Variants in ARHGEF10L observed in about 807,000 individuals in gnomAD.
ARHGEF10L encodes the protein Rho guanine nucleotide exchange factor 10 like, also known as rho guanine nucleotide exchange factor 10-like protein.
ARHGEF10L carries 69 observed loss-of-function variants against 141.2 expected under a neutral mutation model. That is an observed-to-expected ratio of 0.49 (90% CI 0.40 to 0.60). The LOEUF (loss-of-function observed/expected upper bound fraction) is 0.60. ARHGEF10L is among the 20% of genes least tolerant of loss of function. The probability of loss-of-function intolerance (pLI) is 0.00; values close to 1 mark genes in which losing one functional copy is unlikely to be tolerated. For synonymous variants in ARHGEF10L, 711 were observed against 718.5 expected (o/e 0.99, Z 0.17); for missense variants, 1,482 against 1,734.3 (o/e 0.85, Z 2.58).
intron 1 of ARHGEF10L, among the ~76,000 whole-genome samples, chr1:17,576,727 A>AG (rs1377863731): frequency 6.6e-6 from 1 of 152,196 alleles, no homozygotes; most frequent in African/African-American, 2.4e-5. Context: ...TCATTTCATC[A>AG]GCACAGGACG....
intron 18 of ARHGEF10L, among the ~76,000 whole-genome samples, chr1:17,636,934 C>T (rs1036454334): frequency 6.6e-6 from 1 of 152,038 alleles, no homozygotes; most frequent in African/African-American, 2.4e-5. Context: ...CCTCCTGGAC[C>T]CTCCTGCTCT....
intron 2 of ARHGEF10L, among the ~76,000 whole-genome samples, chr1:17,586,212 G>A (rs1010220144): frequency 1.6e-4 from 24 of 152,234 alleles, no homozygotes; most frequent in Admixed American, 1.3e-4. Context: ...TGATGTTCAT[G>A]TCAGCCTTAT....
intron 16 of ARHGEF10L, among the ~76,000 whole-genome samples, chr1:17,633,338 C>CTTTAT (rs1341004904): frequency 6.6e-6 from 1 of 152,222 alleles, no homozygotes; most frequent in East Asian, 1.9e-4. Context: ...TTTGACAAGA[C>CTTTAT]TTTATTTTAT....
At chr1:17,658,177 G>A (rs1010419018) in intron 25 of ARHGEF10L, among the ~76,000 whole-genome samples, 1 of 152,212 alleles carries the variant, frequency 6.6e-6, no homozygotes, top group African/African-American at 2.4e-5. Context: ...GAGGACACAA[G>A]TCATATTGGA....
chr1:17,662,639 G>A (rs1424418948), intron 25 of ARHGEF10L, among the ~76,000 whole-genome samples: 2 of 152,094 alleles, frequency 1.3e-5, no homozygotes, highest in African/African-American at 4.8e-5. Context: ...GAAAGAGGTG[G>A]GGAGGGAGGG....
intron 15 of ARHGEF10L, among the ~76,000 whole-genome samples, chr1:17,628,005 T>C (rs2060478529): frequency 6.6e-6 from 1 of 151,946 alleles, no homozygotes; most frequent in African/African-American, 2.4e-5. Context: ...CATGCCATGT[T>C]TTGGGGTTGC....
intron 1 of ARHGEF10L, among the ~76,000 whole-genome samples, chr1:17,541,779 C>A (rs1406496386): frequency 6.6e-6 from 1 of 151,118 alleles, no homozygotes; most frequent in African/African-American, 2.4e-5. Flanking sequence ...ACTAGCCTGG[C>A]CAACATGGTG....
At chr1:17,522,651 C>T in the ARHGEF10L span, among the ~76,000 whole-genome samples, 1 of 152,106 alleles carries the variant, frequency 6.6e-6, no homozygotes, top group African/African-American at 2.4e-5. Context: ...CCTGAGGTGG[C>T]TGGGGGCTAC....
intron 26 of ARHGEF10L, among the ~76,000 whole-genome samples, chr1:17,679,886 G>T (rs1003838543): frequency 2.0e-5 from 3 of 152,180 alleles, no homozygotes; most frequent in African/African-American, 7.2e-5. Flanking sequence ...GTGATCGTGG[G>T]TGATCTCTGG....
the ARHGEF10L span, among the ~76,000 whole-genome samples, chr1:17,532,136 G>A: frequency 1.3e-5 from 2 of 152,172 alleles, no homozygotes; most frequent in African/African-American, 4.8e-5. Flanking sequence ...GAGGCTCGCT[G>A]TGTCCCCTGG....
At chr1:17,519,228 G>A in the ARHGEF10L span, among the ~76,000 whole-genome samples, 3 of 148,478 alleles carry the variant, frequency 2.0e-5, no homozygotes, top group South Asian at 2.2e-4. Flanking sequence ...CAATTCTCTC[G>A]GAGCCAGGAG....
At chr1:17,633,502 C>A (rs533217143) in intron 16 of ARHGEF10L, among the ~76,000 whole-genome samples, 3 of 151,994 alleles carry the variant, frequency 2.0e-5, no homozygotes, top group Non-Finnish European at 4.4e-5. Flanking sequence ...TGCCACCACA[C>A]CTAGCTAATT....
the ARHGEF10L span, among the ~76,000 whole-genome samples, chr1:17,532,901 C>G: frequency 6.6e-6 from 1 of 152,098 alleles, no homozygotes; most frequent in African/African-American, 2.4e-5. Context: ...ACCACCCCCT[C>G]TTGACCTTTT....
chr1:17,653,864 AG>A (rs2062076340), intron 22 of ARHGEF10L, among the ~76,000 whole-genome samples: 1 of 152,234 alleles, frequency 6.6e-6, no homozygotes, highest in African/African-American at 2.4e-5. Context: ...GTGACCTCTT[AG>A]GGCCCTCGCC....
At position 17,573,828 on chromosome 1, in the gene ARHGEF10L, C is replaced by T. The variant is rs987174098; in HGVS notation, c.-43-6725C>T. ...CCTCACCAGGGGCTCCCTAGGAGGT[C>T]AGTGCGGGAGGGTGGGTGCCACCGA... On this transcript the variant is annotated intron_variant, in intron 1 of 28. Transcript: ENST00000361221. The surrounding 1 kb of genome is among the most constrained non-coding windows in gnomAD (Gnocchi z 4.8). Among the ~76,000 whole-genome samples, 3 of 151,426 alleles carry T rather than the reference C, an allele frequency of 2.0e-5. No individual in the cohort carries two copies. Among genetic ancestry groups the T allele is most frequent in the Admixed American group, 2.0e-4 (3 of 15,232 alleles).
intron 11 of ARHGEF10L, among the ~76,000 whole-genome samples, 185 bp downstream of exon 11, chr1:17,622,126 G>A (rs183634180): frequency 1.1e-4 from 16 of 152,320 alleles, no homozygotes; most frequent in African/African-American, 3.1e-4. Context: ...ATGCCCTGGT[G>A]TTCACGGGAG....
In ARHGEF10L at chr1:17,558,204, T is replaced by C. The variant is rs566802819; in HGVS notation, c.-44+18254T>C. 4.6e-5 allele frequency among the ~76,000 whole-genome samples: 7 copies of C among 151,998 alleles called. No individual in the cohort carries two copies. Among genetic ancestry groups the C allele is most frequent in the Non-Finnish European group, 8.8e-5 (6 of 67,964 alleles). On this transcript the variant is annotated intron_variant, in intron 1 of 28. Coordinates refer to ENST00000361221, the MANE Select transcript of ARHGEF10L (RefSeq NM_018125.4). This position sits in a 1 kb window ranked among gnomAD's most constrained non-coding sequence, Gnocchi z 4.2. ...ATCCATCCACCCATCCATCCATCCA[T>C]CCATCCATCCGCCTGCCCATCCATT... is the stretch of plus-strand genomic sequence containing the variant.
At chr1:17,574,798 G>C (rs2078153792) in intron 1 of ARHGEF10L, among the ~76,000 whole-genome samples, 2 of 152,204 alleles carry the variant, frequency 1.3e-5, no homozygotes, top group South Asian at 4.1e-4. Context: ...CCCTGCGTGG[G>C]GGAGCCGTGG....
chr1:17,556,384 C>T (rs1271905483), intron 1 of ARHGEF10L, among the ~76,000 whole-genome samples: 1 of 152,052 alleles, frequency 6.6e-6, no homozygotes, highest in Non-Finnish European at 1.5e-5. Flanking sequence ...GGGCAAGGCA[C>T]AGTCCTCTCT....
Sources: allele counts gnomAD v4.1 joint callset (sites outside exome capture counted in the v4.1 genomes callset), GRCh38; gene constraint gnomAD v4.1.1; non-coding constraint Gnocchi (gnomAD v3.1); transcripts MANE v1.5; gene names NCBI Gene and HGNC (gene_info 2026-07-23, HGNC 2026-07-21).